ZFC3H1: variants seen among roughly 807,000 people sequenced by gnomAD.
ZFC3H1 encodes the protein zinc finger C3H1-type containing.
In ZFC3H1, 71 loss-of-function variants were observed where a neutral mutation model predicts 243.7. The ratio of observed to expected loss-of-function variants is 0.29; its 90% CI spans 0.24 to 0.36. ZFC3H1 has a LOEUF of 0.36. ZFC3H1 is among the 10% of genes least tolerant of loss of function. The pLI, the probability that ZFC3H1 is intolerant of heterozygous loss-of-function variation, is 1.00. For synonymous variants in ZFC3H1, 838 were observed against 813.0 expected, an observed-to-expected ratio of 1.03 and a Z score of -0.52; for missense variants, 1,966 against 2,317.1, an observed-to-expected ratio of 0.85 and a Z score of 3.11.
intron 21 of ZFC3H1, among the ~76,000 whole-genome samples, chr12:71,626,687 T>C (rs1184538823): frequency 2.6e-5 from 4 of 152,208 alleles, no homozygotes; most frequent in African/African-American, 9.7e-5. Flanking sequence ...TTACCACAGA[T>C]AAAAGTACAG....
intron 3 of ZFC3H1, among the ~76,000 whole-genome samples, 189 bp downstream of exon 3, chr12:71,647,560 A>T (rs1466908863): frequency 6.6e-6 from 1 of 152,212 alleles, no homozygotes; most frequent in Non-Finnish European, 1.5e-5. Flanking sequence ...CATAATTTGC[A>T]GAACCCAGGG....
chr12:71,648,541 T>C (rs1265348198), intron 2 of ZFC3H1, among the ~76,000 whole-genome samples: 2 of 152,172 alleles, frequency 1.3e-5, no homozygotes, highest in African/African-American at 2.4e-5. Flanking sequence ...ATTGCAAAGC[T>C]AGGATTTAAA....
intron 11 of ZFC3H1, 26 bp downstream of exon 11, chr12:71,634,678 T>C: frequency 6.4e-7 from 1 of 1,572,460 alleles, no homozygotes. Flanking sequence ...ATACTTTTAA[T>C]GTTAATTACA....
At chr12:71,658,324 T>C (rs1446308853) in intron 1 of ZFC3H1, among the ~76,000 whole-genome samples, 3 of 131,368 alleles carry the variant, frequency 2.3e-5, no homozygotes, top group Non-Finnish European at 4.6e-5. Flanking sequence ...AGTCTCGCAC[T>C]GTCAGCCAGT....
At position 71,623,610 on chromosome 12, in the gene ZFC3H1, T is replaced by A. The variant is rs1565807579; in HGVS notation, c.4507-13A>T. On this transcript the variant is annotated splice_polypyrimidine_tract_variant and intron_variant, in intron 23 of 34. Transcript: ENST00000378743. The stretch of plus-strand genomic sequence containing the variant: ...ATTTCAATGCATTCTAGGCAAAATT[T>A]AAAATTTTTTGATAAAAAAATTAGA... The A allele has an allele frequency of 1.9e-6, 3 of 1,567,558 alleles. No individual in the cohort carries two copies. The highest frequency in any genetic ancestry group is 4.0e-5 in the Admixed American group (2 of 49,632).
chr12:71,642,562 A>G lies in ZFC3H1; in HGVS notation c.1504-3T>C, dbSNP rs571892408. 5.6e-6 allele frequency: 9 copies of G among 1,606,062 alleles called. No individual in the cohort carries two copies. In the East Asian group the frequency reaches 1.8e-4, roughly 32 times the overall value. ...CGCCTCAGGTCAGGATCTGAAGACTAAGTATACAACACTTTTTTAGTTTCA... is the reference window on the plus strand; with the variant it reads ...CGCCTCAGGTCAGGATCTGAAGACTGAGTATACAACACTTTTTTAGTTTCA... On this transcript the variant is annotated splice_region_variant and splice_polypyrimidine_tract_variant and intron_variant, in intron 5 of 34. Coordinates refer to ENST00000378743, the MANE Select transcript of ZFC3H1 (RefSeq NM_144982.5).
At chr12:71,642,039 A>G (rs1404811416) in intron 6 of ZFC3H1, among the ~76,000 whole-genome samples, 4 of 152,080 alleles carry the variant, frequency 2.6e-5, no homozygotes, top group African/African-American at 9.7e-5. Context: ...TAGTAGAGAC[A>G]GGGTTTCGCC....
Position 71,626,449 on chromosome 12 carries a change from G to A in ZFC3H1, c.4131-3C>T, listed in dbSNP as rs1253783764. On this transcript the variant is annotated splice_region_variant and splice_polypyrimidine_tract_variant and intron_variant, in intron 21 of 34. Transcript: ENST00000378743. ...AATCCAAGGATTCTGAGCACTCCCT[G>A]TATATATAAAAGAAAAGGTGGAAGT... is the stretch of plus-strand genomic sequence containing the variant. 3 of 1,594,942 alleles carry A rather than the reference G, an allele frequency of 1.9e-6. No individual in the cohort carries two copies. The highest frequency in any genetic ancestry group is 2.6e-6 in the Non-Finnish European group (3 of 1,170,254).
In ZFC3H1 at chr12:71,624,272, G is replaced by A. The variant is rs114979774; in HGVS notation, c.4338C>T (p.Thr1446=). Residue 1446 remains threonine, a synonymous_variant, in exon 23 of 35, where the codon ACC becomes ACT. Coordinates refer to ENST00000378743, the MANE Select transcript of ZFC3H1 (RefSeq NM_144982.5). ...CACATACGTAATCCTTTTCTTCAAA[G>A]GTACTTTCTAGGTGTAGAAACTGCC... ...SFWTFLHLES[T]FEEKDYVCER... 2.5e-6 allele frequency: 4 copies of A among 1,611,310 alleles called. No individual in the cohort carries two copies. The highest frequency in any genetic ancestry group is 3.3e-5 in the Admixed American group (2 of 59,740).
At chr12:71,656,350 A>G in intron 2 of ZFC3H1, 2 of 403,512 alleles carry the variant, frequency 5.0e-6, no homozygotes, top group Non-Finnish European at 8.7e-6. Context: ...TGATTTAAAA[A>G]TGGTATATCA....
Position 71,626,281 on chromosome 12 carries a change from T to G in ZFC3H1, c.4296A>C (p.Pro1432=). The G allele has an allele frequency of 6.2e-7, 1 of 1,613,958 alleles. No homozygotes were observed. The highest frequency in any genetic ancestry group is 8.5e-7 in the Non-Finnish European group (1 of 1,179,976). The change falls in exon 22 of 35, where the codon CCA becomes CCC. Residue 1432 remains proline, a synonymous_variant. Coordinates refer to ENST00000378743, the MANE Select transcript of ZFC3H1 (RefSeq NM_144982.5). The part of the protein sequence containing the change: ...EMCETAVEYA[P]DYQSFWTFLH... ...TCACAGTCCAAAAGCTTTGATAATCTGGAGCATATTCAACAGCTGTTTCAC... is the reference window on the plus strand; with the variant it reads ...TCACAGTCCAAAAGCTTTGATAATCGGGAGCATATTCAACAGCTGTTTCAC...
chr12:71,646,144 T>C (rs1479646323), intron 3 of ZFC3H1, among the ~76,000 whole-genome samples: 1 of 152,242 alleles, frequency 6.6e-6, no homozygotes, highest in African/African-American at 2.4e-5. Flanking sequence ...TGATTTCACC[T>C]GAATATGAAC....
intron 23 of ZFC3H1, 85 bp downstream of exon 23, chr12:71,624,019 A>G (rs17110038): frequency 0.069 from 91,075 of 1,325,126 alleles, 3,523 homozygotes; most frequent in South Asian, 0.084. Flanking sequence ...TGTGCTTTCA[A>G]CCATTAAATA....
intron 31 of ZFC3H1, 88 bp from the exon 32 acceptor site, chr12:71,611,975 AT>A (rs1879785618): frequency 1.4e-6 from 1 of 719,790 alleles, no homozygotes; most frequent in Admixed American, 2.8e-5. Flanking sequence ...CGAAGTATAA[AT>A]TTTGATTAGT....
At chr12:71,654,624 G>A (rs377501692) in intron 2 of ZFC3H1, among the ~76,000 whole-genome samples, 37 of 151,826 alleles carry the variant, frequency 2.4e-4, no homozygotes, top group African/African-American at 8.7e-4. Flanking sequence ...CAGAAATTTA[G>A]TATCCAACTT....
chr12:71,657,886 C>T (rs569907518), intron 1 of ZFC3H1, among the ~76,000 whole-genome samples: 11 of 151,706 alleles, frequency 7.3e-5, no homozygotes, highest in South Asian at 6.3e-4. Context: ...GTACTTGAGA[C>T]GCTGAGGCAA....
In ZFC3H1 at chr12:71,610,383, T is replaced by A. The variant is rs1025222086; in HGVS notation, c.*45A>T. 5 of 1,590,064 alleles carry A rather than the reference T, an allele frequency of 3.1e-6. No homozygotes were observed. Among genetic ancestry groups the A allele is most frequent in the Middle Eastern group, 1.7e-4 (1 of 5,916 alleles). ...TAATCTTGAAGAATCATTCAAATAA[T>A]TTTGGCAATTATTATAAGGACTTAG... On this transcript the variant is annotated 3_prime_UTR_variant, in exon 35 of 35. Coordinates refer to ENST00000378743, the MANE Select transcript of ZFC3H1 (RefSeq NM_144982.5).
chr12:71,626,094 C>A (rs1449488958), intron 22 of ZFC3H1, among the ~76,000 whole-genome samples, 166 bp downstream of exon 22: 3 of 152,026 alleles, frequency 2.0e-5, no homozygotes, highest in Non-Finnish European at 2.9e-5. Context: ...AATTCTGATC[C>A]AGAAGTGGCT....
At chr12:71,642,016 A>C (rs1473892950) in intron 6 of ZFC3H1, among the ~76,000 whole-genome samples, 1 of 152,064 alleles carries the variant, frequency 6.6e-6, no homozygotes, top group African/African-American at 2.4e-5. Context: ...CACCCAGCGA[A>C]TTTTTGTATT....
Sources: gnomAD v4.1 joint callset for allele counts (sites outside exome capture counted in the v4.1 genomes callset) on GRCh38, gnomAD v4.1.1 for gene constraint, MANE v1.5 for transcripts, NCBI Gene and HGNC (gene_info 2026-07-23, HGNC 2026-07-21) for gene names.